C2CD2: variants seen among roughly 807,000 people sequenced by gnomAD.
The protein encoded by C2CD2 is C2 calcium dependent domain containing 2, also known as C2 domain-containing protein 2.
Under a neutral mutation model 74.3 loss-of-function variants are expected in C2CD2, and 43 were observed. That is an observed-to-expected ratio of 0.58 (90% CI 0.45 to 0.75). The LOEUF is 0.75. Ranked by LOEUF, C2CD2 falls within the 30% of genes least tolerant of loss-of-function variation. The probability of loss-of-function intolerance (pLI) is 0.00; values close to 1 mark genes in which losing one functional copy is unlikely to be tolerated. For missense variants in C2CD2, 801 were observed against 916.3 expected (o/e 0.87, Z 1.63); for synonymous variants, 422 against 390.7 (o/e 1.08, Z -0.94).
rs535113480 is a variant in C2CD2 at position 41,900,328 on chromosome 21, T to C, written c.1561-966A>G. 7.2e-5 allele frequency among the ~76,000 whole-genome samples: 11 copies of C among 152,318 alleles called. No homozygotes were observed. The South Asian group carries it at 2.3e-3, about 32-fold the overall frequency. ...TAGATAATCTGAGCACCAATAAAAA[T>C]AATCACTGCGGTGAATTCAGAACAT... On this transcript the variant is annotated intron_variant, in intron 12 of 13. Transcript: ENST00000380486.
At chr21:41,907,456 C>T (rs1477958449) in intron 9 of C2CD2, among the ~76,000 whole-genome samples, 1 of 152,252 alleles carries the variant, frequency 6.6e-6, no homozygotes, top group East Asian at 1.9e-4. Context: ...ACAGTTATCT[C>T]CTCCAGCAGA....
intron 8 of C2CD2, chr21:41,908,158 C>T: frequency 6.8e-6 from 2 of 296,286 alleles, no homozygotes; most frequent in Non-Finnish European, 1.3e-5. Context: ...ACCGTGGACA[C>T]AGCAGAGAGT....
At chr21:41,914,816 A>G (rs749167018) in intron 5 of C2CD2, 95 bp from the exon 6 acceptor site, 6 of 1,102,082 alleles carry the variant, frequency 5.4e-6, no homozygotes, top group Non-Finnish European at 7.8e-6. Flanking sequence ...GGGTGGTGGC[A>G]GTGGGGTGTC....
At chr21:41,922,262 G>T (rs1163542371) in intron 2 of C2CD2, among the ~76,000 whole-genome samples, 177 bp from the exon 3 acceptor site, 2 of 151,508 alleles carry the variant, frequency 1.3e-5, no homozygotes, top group Admixed American at 1.3e-4. Flanking sequence ...CAGCTCAGGC[G>T]ATCTTCCCAC....
chr21:41,918,201 C>A lies in C2CD2; in HGVS notation c.624G>T (p.Met208Ile). 1 of 1,614,160 alleles carries A rather than the reference C, an allele frequency of 6.2e-7. No individual in the cohort carries two copies. The highest frequency in any genetic ancestry group is 8.5e-7 in the Non-Finnish European group (1 of 1,179,994). Residue 208 changes from methionine (M) to isoleucine (I), a missense_variant, in exon 5 of 14, where the codon ATG (methionine) becomes ATT (isoleucine). Met to Ile is a conservative substitution (Grantham distance 10). Transcript: ENST00000380486. ...TCAAGATGTCCTTGAGAACGTCAGA[C>A]ATCGCACTTGTCTCAGCCACCTGGT... ...GEDQVAETSA[M>I]SDVLKDILKH...
chr21:41,953,341 C>A (rs770416297), intron 1 of C2CD2, 29 bp downstream of exon 1: 4 of 1,358,570 alleles, frequency 2.9e-6, no homozygotes, highest in African/African-American at 1.5e-5. Flanking sequence ...GCATCTGCCG[C>A]CCCCCGGCCC....
Position 41,906,999 on chromosome 21 carries a change from C to T in C2CD2, c.1311G>A (p.Leu437=). ...PRVDVGRASP[L]SSDSPVKTPI... is the part of the protein sequence containing the mutation. ...GCGTTCCTGTTGTCTCACCAGAGCTCAGCGGGGACGCCCTCCCCACGTCGA... is the reference window on the plus strand; with the variant it reads ...GCGTTCCTGTTGTCTCACCAGAGCTTAGCGGGGACGCCCTCCCCACGTCGA... Residue 437 remains leucine (L), a synonymous_variant, in exon 10 of 14, where the codon CTG becomes CTA. Transcript: ENST00000380486. 7 of 1,613,322 alleles carry T rather than the reference C, an allele frequency of 4.3e-6. No individual in the cohort carries two copies. Among genetic ancestry groups the T allele is most frequent in the Non-Finnish European group, 5.9e-6 (7 of 1,179,640 alleles).
chr21:41,897,411 A>T (rs2064836723), intron 13 of C2CD2, among the ~76,000 whole-genome samples: 1 of 152,154 alleles, frequency 6.6e-6, no homozygotes, highest in Non-Finnish European at 1.5e-5. Context: ...ACTGTCTACA[A>T]GACAAAGAAT....
rs2064918359 is a variant in C2CD2 at position 41,903,064 on chromosome 21, C to G, written c.1433-1315G>C. On this transcript the variant is annotated intron_variant, in intron 11 of 13. Coordinates refer to ENST00000380486, the MANE Select transcript of C2CD2 (RefSeq NM_015500.2). The surrounding 1 kb of genome is among the most constrained non-coding windows in gnomAD (Gnocchi z 4.5). Reference sequence around the variant, plus strand: ...TACTTATAGAAGCACCATAAACCCCCTAAATGACAGGGCTCAGGGAGCGTC... The same window carrying G: ...TACTTATAGAAGCACCATAAACCCCGTAAATGACAGGGCTCAGGGAGCGTC... Among the ~76,000 whole-genome samples, 1 of 152,146 alleles carries G rather than the reference C, an allele frequency of 6.6e-6. No individual in the cohort carries two copies. The highest frequency in any genetic ancestry group is 6.5e-5 in the Admixed American group (1 of 15,276).
At chr21:41,890,050 G>T (rs1482871568) in intron 13 of C2CD2, among the ~76,000 whole-genome samples, 2 of 152,166 alleles carry the variant, frequency 1.3e-5, no homozygotes, top group Non-Finnish European at 2.9e-5. Context: ...TAGGAAGGGT[G>T]TAGCTGGCAA....
rs142969377 is a variant in C2CD2, at chr21:41,910,960, T to C, written c.953+1372A>G. Reference sequence around the variant, plus strand: ...CCTCTTCCTTTCCGGTATTTGTGTATAGTTTTTTCCCTTATCTAATTTGCA... The same window carrying C: ...CCTCTTCCTTTCCGGTATTTGTGTACAGTTTTTTCCCTTATCTAATTTGCA... On this transcript the variant is annotated intron_variant, in intron 7 of 13. Coordinates refer to ENST00000380486, the MANE Select transcript of C2CD2 (RefSeq NM_015500.2). 9.4e-3 allele frequency among the ~76,000 whole-genome samples: 1,423 copies of C among 152,068 alleles called. 23 individuals carry two copies. Among genetic ancestry groups the C allele is most frequent in the African/African-American group, 0.032 (1,341 of 41,438 alleles).
chr21:41,919,948 G>A (rs1025940322), intron 3 of C2CD2, among the ~76,000 whole-genome samples: 2 of 152,170 alleles, frequency 1.3e-5, no homozygotes, highest in African/African-American at 2.4e-5. Context: ...GAGTGGGGGA[G>A]CACGGGAGAA....
rs1490750560 is a variant in C2CD2, at chr21:41,904,603, G to A, written c.1432+1121C>T. Among the ~76,000 whole-genome samples the A allele has an allele frequency of 2.6e-5, 4 of 152,340 alleles. No individual in the cohort carries two copies. In the East Asian group the frequency reaches 7.7e-4, roughly 29 times the overall value. ...GCAGGGCCTGCGTCCCAGAACTGCA[G>A]GTGGGGGACCCAGCGGGGTAGTATC... On this transcript the variant is annotated intron_variant, in intron 11 of 13. Transcript: ENST00000380486.
chr21:41,912,208 T>C, intron 7 of C2CD2, 124 bp downstream of exon 7: 1 of 600,558 alleles, frequency 1.7e-6, no homozygotes, highest in Non-Finnish European at 3.0e-6. Context: ...TAAGACATCA[T>C]TTGTTGTTAA....
rs543279262 is a variant in C2CD2 at position 41,905,523 on chromosome 21, G to A, written c.1432+201C>T. On this transcript the variant is annotated intron_variant, in intron 11 of 13. Coordinates refer to ENST00000380486, the MANE Select transcript of C2CD2 (RefSeq NM_015500.2). The stretch of plus-strand genomic sequence containing the variant: ...AGTAGAGATGGGGTTTTGCCATGTT[G>A]GCCAGGCTGGTCTCAAATTCCTGAC... Among the ~76,000 whole-genome samples, 199 of 152,146 alleles carry A rather than the reference G, an allele frequency of 1.3e-3. 2 individuals are homozygous for A. The South Asian group carries it at 0.04, about 30-fold the overall frequency.
rs1265520716 is a variant in C2CD2 at position 41,899,078 on chromosome 21, C to T, written c.1845G>A (p.Glu615=). 6.2e-7 allele frequency: 1 copy of T among 1,613,808 alleles called. No homozygotes were observed. The highest frequency in any genetic ancestry group is 2.2e-5 in the East Asian group (1 of 44,896). The change falls in exon 13 of 14, where the codon GAG becomes GAA. Residue 615 remains glutamate, a synonymous_variant. Coordinates refer to ENST00000380486, the MANE Select transcript of C2CD2 (RefSeq NM_015500.2). The surrounding 1 kb of genome is among the most constrained non-coding windows in gnomAD (Gnocchi z 4.4). The part of the protein sequence containing the change: ...ELSESSMSVL[E]PGTAKKHKGG... ...CTTTATGCTTTTTGGCAGTGCCCGG[C>T]TCCAAGACACTCATGGAGCTCTCTG...
chr21:41,925,029 C>T (rs1007729410), intron 2 of C2CD2, among the ~76,000 whole-genome samples: 1 of 152,164 alleles, frequency 6.6e-6, no homozygotes, highest in Non-Finnish European at 1.5e-5. Context: ...GTAATGTAAT[C>T]TCTACATTCT....
At chr21:41,890,660 G>A (rs1329900113) in intron 13 of C2CD2, among the ~76,000 whole-genome samples, 1 of 152,210 alleles carries the variant, frequency 6.6e-6, no homozygotes, top group East Asian at 1.9e-4. Flanking sequence ...TTTGTGATAG[G>A]CATATCCAAT....
Position 41,909,530 on chromosome 21 carries a change from A to G in C2CD2, c.954-7T>C. The G allele has an allele frequency of 6.2e-7, 1 of 1,602,346 alleles. No individual in the cohort carries two copies. The highest frequency in any genetic ancestry group is 8.6e-7 in the Non-Finnish European group (1 of 1,169,230). On this transcript the variant is annotated splice_region_variant and splice_polypyrimidine_tract_variant and intron_variant, in intron 7 of 13. Coordinates refer to ENST00000380486, the MANE Select transcript of C2CD2 (RefSeq NM_015500.2). ...CGACTTGGCATTCAACTCGCTTTGG[A>G]AGAGAAACAAGTTATGAGTCCTAAA... is the stretch of plus-strand genomic sequence containing the variant.
Sources: gnomAD v4.1 joint callset for allele counts (sites outside exome capture counted in the v4.1 genomes callset) on GRCh38, gnomAD v4.1.1 for gene constraint, Gnocchi (gnomAD v3.1) non-coding constraint, MANE v1.5 for transcripts, NCBI Gene and HGNC (gene_info 2026-07-23, HGNC 2026-07-21) for gene names.